TM9SF4: variants seen among roughly 807,000 people sequenced by gnomAD.
The protein encoded by TM9SF4 is transmembrane 9 superfamily member 4.
A neutral mutation model predicts 90.4 loss-of-function variants in TM9SF4; 26 were observed. The ratio of observed to expected loss-of-function variants is 0.29; its 90% CI spans 0.21 to 0.40. The LOEUF is 0.40. Among genes scored for constraint, TM9SF4 ranks in the 10% least tolerant of loss-of-function variants. The pLI, the probability that TM9SF4 is intolerant of heterozygous loss-of-function variation, is 1.00. For missense variants in TM9SF4, 549 were observed against 834.8 expected, an observed-to-expected ratio of 0.66 and a Z score of 4.22; for synonymous variants, 293 against 315.4, an observed-to-expected ratio of 0.93 and a Z score of 0.75.
intron 1 of TM9SF4, among the ~76,000 whole-genome samples, chr20:32,121,202 T>A (rs538147314): frequency 3.7e-5 from 5 of 133,916 alleles, no homozygotes; most frequent in African/African-American, 1.1e-4. Context: ...TTTTTTTTTT[T>A]ATTTTTCTTT....
chr20:32,145,986 C>T (rs1015901595), intron 8 of TM9SF4, among the ~76,000 whole-genome samples: 8 of 152,072 alleles, frequency 5.3e-5, no homozygotes, highest in African/African-American at 1.4e-4. Flanking sequence ...GGTCCTGCAG[C>T]GAGATAAGCT....
chr20:32,130,539 G>A (rs73906743), intron 1 of TM9SF4, among the ~76,000 whole-genome samples: 1,882 of 152,278 alleles, frequency 0.012, 45 homozygotes, highest in African/African-American at 0.043. Flanking sequence ...AATGAGGAAG[G>A]GCCAGAATCT....
chr20:32,122,236 CGGCTGGCCTGGCGGGGGGCTG>C, intron 1 of TM9SF4, among the ~76,000 whole-genome samples: 1 of 83,582 alleles, frequency 1.2e-5, no homozygotes, highest in Non-Finnish European at 2.6e-5. Flanking sequence ...CCGGACGGGG[CGGCTGGCCTGGCGGGGGGCTG>C]ACCCCCCACC....
rs1205049414 is a variant in TM9SF4 at position 32,145,961 on chromosome 20, G to T, written c.883+538G>T. ...ATCCAGAGACCTGGGAAAAGTCTGT[G>T]CCAGTGAGGATCATGGTCCTGCAGC... is the stretch of plus-strand genomic sequence containing the variant. On this transcript the variant is annotated intron_variant, in intron 8 of 17. Transcript: ENST00000398022. Among the ~76,000 whole-genome samples, 3 of 152,186 alleles carry T rather than the reference G, an allele frequency of 2.0e-5. No homozygotes were observed. The East Asian group carries it at 5.8e-4, about 29-fold the overall frequency.
chr20:32,161,190 GTC>G, intron 16 of TM9SF4, 84 bp from the exon 17 acceptor site: 1 of 1,106,918 alleles, frequency 9.0e-7, no homozygotes, highest in Admixed American at 1.8e-5. Flanking sequence ...TCTTACCAGA[GTC>G]TTCAGCCCCT....
At chr20:32,137,740 T>C (rs1350433304) in intron 3 of TM9SF4, among the ~76,000 whole-genome samples, 2 of 152,222 alleles carry the variant, frequency 1.3e-5, no homozygotes, top group East Asian at 3.8e-4. Context: ...TCATCATCAT[T>C]AATACCTAGA....
chr20:32,121,935 C>T (rs1273289091), intron 1 of TM9SF4, among the ~76,000 whole-genome samples: 2 of 141,098 alleles, frequency 1.4e-5, no homozygotes, highest in African/African-American at 2.6e-5. Context: ...GGGGGCTGAC[C>T]CCCCCCAGCT....
intron 10 of TM9SF4, among the ~76,000 whole-genome samples, chr20:32,150,094 G>A (rs1228446885): frequency 6.6e-6 from 1 of 152,152 alleles, no homozygotes; most frequent in East Asian, 1.9e-4. Flanking sequence ...GATTAGGATT[G>A]AAATCAAATA....
chr20:32,146,887 T>C lies in TM9SF4; in HGVS notation c.954+32T>C, dbSNP rs776738419. 6 of 1,605,892 alleles carry C rather than the reference T, an allele frequency of 3.7e-6. No homozygotes were observed. The African/African-American group carries it at 5.4e-5, about 14-fold the overall frequency. The stretch of plus-strand genomic sequence containing the variant: ...GGTCTTGGCTGGGGAGGGATGAAGT[T>C]GGATGGGGAGGGGAGGAGGACCGTG... On this transcript the variant is annotated intron_variant, in intron 9 of 17. Transcript: ENST00000398022.
At chr20:32,125,934 T>C (rs2046413447) in intron 1 of TM9SF4, among the ~76,000 whole-genome samples, 1 of 151,972 alleles carries the variant, frequency 6.6e-6, no homozygotes, top group Non-Finnish European at 1.5e-5. Context: ...CCTCCCAAAG[T>C]GCTGGGATTA....
chr20:32,163,268 A>AAAATATATAT (rs1555886757), intron 17 of TM9SF4, among the ~76,000 whole-genome samples: 7 of 74,488 alleles, frequency 9.4e-5, no homozygotes, highest in African/African-American at 4.1e-4. Context: ...AAAAAAAAAA[A>AAAATATATAT]ATATATATAT....
intron 12 of TM9SF4, among the ~76,000 whole-genome samples, chr20:32,152,724 C>T (rs978037293): frequency 3.3e-5 from 5 of 152,182 alleles, no homozygotes; most frequent in African/African-American, 4.8e-5. Context: ...CCTTTCTTCT[C>T]ACCTGGCTGG....
chr20:32,152,748 T>G (rs934042318), intron 12 of TM9SF4, among the ~76,000 whole-genome samples: 9 of 152,178 alleles, frequency 5.9e-5, no homozygotes, highest in Non-Finnish European at 1.3e-4. Flanking sequence ...CACCTCATCC[T>G]TTAAGTCTTA....
rs1555882288 is a variant in TM9SF4 at position 32,123,867 on chromosome 20, T to TATATATATATATA, written c.16-9146_16-9145insATATATATATATA. 2.3e-4 allele frequency among the ~76,000 whole-genome samples: 11 copies of TATATATATATATA among 48,020 alleles called. No individual in the cohort carries two copies. The East Asian group carries it at 0.018, about 80-fold the overall frequency. 31.5% of individuals were successfully genotyped at this position (48,020 alleles called of 152,430 possible). A position where few individuals can be genotyped will look rare whatever the true frequency, so the allele number is the denominator to read the frequency against. ...TCTCATATATATATATATATATATA[T>TATATATATATATA]TTTTTTTTTTAAAGAGATAGGGTCT... On this transcript the variant is annotated intron_variant, in intron 1 of 17. Coordinates refer to ENST00000398022, the MANE Select transcript of TM9SF4 (RefSeq NM_014742.4).
chr20:32,155,722 G>C (rs1272249109), intron 13 of TM9SF4, among the ~76,000 whole-genome samples: 1 of 152,152 alleles, frequency 6.6e-6, no homozygotes, highest in East Asian at 1.9e-4. Flanking sequence ...GGGGGAGTGG[G>C]GTCTTGGTCA....
At chr20:32,141,466 C>T (rs376442411) in intron 3 of TM9SF4, 31 bp from the exon 4 acceptor site, 75 of 1,611,086 alleles carry the variant, frequency 4.7e-5, no homozygotes, top group Non-Finnish European at 5.8e-5. Flanking sequence ...AGGGCTGAAG[C>T]TCTGAGCTTG....
At chr20:32,158,355 CGT>C (rs1433502683) in intron 14 of TM9SF4, 94 bp from the exon 15 acceptor site, 1 of 1,149,248 alleles carries the variant, frequency 8.7e-7, no homozygotes, top group African/African-American at 1.5e-5. Flanking sequence ...CCACCACACT[CGT>C]GTAGGTGCTC....
chr20:32,157,375 TC>T (rs746350374), intron 13 of TM9SF4, among the ~76,000 whole-genome samples: 4 of 152,240 alleles, frequency 2.6e-5, no homozygotes, highest in Non-Finnish European at 5.9e-5. Context: ...GTTTATAGCC[TC>T]CTTTTTACAC....
intron 17 of TM9SF4, among the ~76,000 whole-genome samples, chr20:32,162,478 T>C (rs2047031234): frequency 6.6e-6 from 1 of 152,252 alleles, no homozygotes; most frequent in Non-Finnish European, 1.5e-5. Flanking sequence ...AACACAGCCA[T>C]GGTCATTCAT....
Sources: allele counts gnomAD v4.1 joint callset (sites outside exome capture counted in the v4.1 genomes callset), GRCh38; gene constraint gnomAD v4.1.1; transcripts MANE v1.5; gene names NCBI Gene and HGNC (gene_info 2026-07-23, HGNC 2026-07-21).